The following CDH12 variants were observed in gnomAD, a reference collection of about 807,000 sequenced individuals.
CDH12 encodes cadherin-12.
Under a neutral mutation model 74.1 loss-of-function variants are expected in CDH12, and 41 were observed. That is an observed-to-expected ratio of 0.55 (90% CI 0.43 to 0.72). The LOEUF is 0.72. Among genes scored for constraint, CDH12 ranks in the 30% least tolerant of loss-of-function variants. The pLI is 0.00. For synonymous variants in CDH12, 399 were observed against 355.0 expected (o/e 1.12, Z -1.39); for missense variants, 945 against 977.2 (o/e 0.97, Z 0.44).
chr5:22,411,217 G>A (rs1218709105), intron 2 of CDH12, among the ~76,000 whole-genome samples: 1 of 151,876 alleles, frequency 6.6e-6, no homozygotes, highest in African/African-American at 2.4e-5. Context: ...CATATGAAAT[G>A]TATTACATAG....
At chr5:22,261,528 A>C (rs547999929) in intron 3 of CDH12, among the ~76,000 whole-genome samples, 41 of 152,210 alleles carry the variant, frequency 2.7e-4, no homozygotes, top group African/African-American at 8.7e-4. Flanking sequence ...ATAATAATGC[A>C]ACTGTAAAAG....
intron 1 of CDH12, among the ~76,000 whole-genome samples, chr5:22,651,160 A>C (rs2126883818): frequency 6.6e-6 from 1 of 152,180 alleles, no homozygotes; most frequent in East Asian, 1.9e-4. Flanking sequence ...GTTTGACCTT[A>C]ACTTAAATGT....
chr5:22,845,333 A>G (rs982063729), intron 1 of CDH12, among the ~76,000 whole-genome samples: 2 of 152,178 alleles, frequency 1.3e-5, no homozygotes, highest in African/African-American at 2.4e-5. Flanking sequence ...AGAAAGTACT[A>G]TAATTCACGA....
chr5:21,943,063 A>T (rs1476576555), intron 6 of CDH12, among the ~76,000 whole-genome samples: 1 of 152,098 alleles, frequency 6.6e-6, no homozygotes, highest in African/African-American at 2.4e-5. Context: ...AGTGTTTGAC[A>T]GTGCCTCCTT....
chr5:22,308,978 C>CGA (rs72004509), intron 3 of CDH12, among the ~76,000 whole-genome samples: 1 of 140,152 alleles, frequency 7.1e-6, no homozygotes, highest in Admixed American at 7.0e-5. Flanking sequence ...AGAGAGAAAG[C>CGA]GAGAGAGAGA....
At chr5:22,830,452 T>C (rs757094823) in intron 1 of CDH12, among the ~76,000 whole-genome samples, 7 of 151,974 alleles carry the variant, frequency 4.6e-5, no homozygotes, top group Non-Finnish European at 1.0e-4. Context: ...TTGAGTTATC[T>C]GGATATTTTT....
Position 21,755,829 on chromosome 5 carries a change from C to A in CDH12, c.1647G>T (p.Gly549=), listed in dbSNP as rs764043124. The change falls in exon 14 of 15, where the codon GGG becomes GGT. Residue 549 remains glycine (G), a synonymous_variant. Transcript: ENST00000382254. ...TGTATCCATTTCTTCGGGTTTCAAT[C>A]CCCGCTGTGTTGTCTACAAAACATG... The part of the protein sequence containing the change: ...TVRDFRNNTA[G]IETRRNGYSR... 1.9e-6 allele frequency: 3 copies of A among 1,614,004 alleles called. No individual in the cohort carries two copies. Among genetic ancestry groups the A allele is most frequent in the Admixed American group, 1.7e-5 (1 of 60,010 alleles).
At chr5:22,042,889 CA>C (rs1171549252) in intron 5 of CDH12, among the ~76,000 whole-genome samples, 4,353 of 56,072 alleles carry the variant, frequency 0.078, 59 homozygotes, top group African/African-American at 0.14. Context: ...GATTCTATCT[CA>C]AAAAAAAAAA....
intron 3 of CDH12, among the ~76,000 whole-genome samples, chr5:22,256,393 G>T (rs1316585663): frequency 1.3e-5 from 2 of 152,120 alleles, no homozygotes; most frequent in Non-Finnish European, 2.9e-5. Context: ...GGTGACGCTG[G>T]TGCAAACAAA....
Position 22,053,517 on chromosome 5 carries a change from GGCT to G in CDH12, c.231+24926_231+24928del, listed in dbSNP as rs1354742853. On this transcript the variant is annotated intron_variant, in intron 5 of 14. Coordinates refer to ENST00000382254, the MANE Select transcript of CDH12 (RefSeq NM_004061.5). ...AGGTACAGCTTCTGTGTATCACGGT[GGCT>G]GCCATTCTGGCTTTCTATCCAGGGA... 4.5e-3 allele frequency among the ~76,000 whole-genome samples: 686 copies of G among 152,060 alleles called. 8 individuals carry two copies. Among genetic ancestry groups the G allele is most frequent in the African/African-American group, 0.016 (657 of 41,500 alleles).
At chr5:21,831,240 A>G (rs150724091) in intron 8 of CDH12, among the ~76,000 whole-genome samples, 53 of 152,248 alleles carry the variant, frequency 3.5e-4, no homozygotes, top group African/African-American at 1.1e-3. Flanking sequence ...CTATATTTTC[A>G]TAAACATCAA....
At chr5:22,729,323 A>T (rs1449615080) in intron 1 of CDH12, among the ~76,000 whole-genome samples, 5 of 151,804 alleles carry the variant, frequency 3.3e-5, no homozygotes, top group Non-Finnish European at 1.5e-5. Flanking sequence ...ACTTCAAGCC[A>T]TCCAGGGCAT....
intron 3 of CDH12, among the ~76,000 whole-genome samples, chr5:22,384,539 A>AC (rs1368536149): frequency 2.9e-5 from 4 of 138,286 alleles, no homozygotes; most frequent in African/African-American, 5.2e-5. Flanking sequence ...AAAAAAAAAA[A>AC]AGAAAAAGAA....
intron 6 of CDH12, among the ~76,000 whole-genome samples, chr5:21,959,333 A>G (rs1334859332): frequency 1.3e-5 from 2 of 151,422 alleles, no homozygotes; most frequent in Admixed American, 6.6e-5. Flanking sequence ...CCTATGTTGA[A>G]TAGGAGTCAT....
At chr5:21,912,322 T>C (rs1753892507) in intron 6 of CDH12, among the ~76,000 whole-genome samples, 1 of 152,126 alleles carries the variant, frequency 6.6e-6, no homozygotes. Context: ...TTTTTTTTTT[T>C]TCCAAGGGAC....
intron 6 of CDH12, among the ~76,000 whole-genome samples, chr5:21,931,258 AG>A: frequency 6.6e-6 from 1 of 152,164 alleles, no homozygotes; most frequent in East Asian, 1.9e-4. Flanking sequence ...AGGAAAAAAA[AG>A]CTAAGAAGAG....
At chr5:22,849,315 T>C (rs1270617669) in intron 1 of CDH12, among the ~76,000 whole-genome samples, 1 of 152,176 alleles carries the variant, frequency 6.6e-6, no homozygotes, top group Non-Finnish European at 1.5e-5. Context: ...TTTTGAACTT[T>C]CCACATCATC....
intron 1 of CDH12, among the ~76,000 whole-genome samples, chr5:22,661,137 T>C (rs1740324898): frequency 1.3e-5 from 2 of 152,160 alleles, no homozygotes; most frequent in South Asian, 4.1e-4. Context: ...TTTATACAAA[T>C]AGAAAGCTAA....
intron 1 of CDH12, among the ~76,000 whole-genome samples, chr5:22,672,116 T>TAC (rs1390163709): frequency 2.3e-5 from 3 of 129,960 alleles, no homozygotes; most frequent in South Asian, 2.3e-4. Flanking sequence ...TATATATAAA[T>TAC]ATATATTATT....
Sources: gnomAD v4.1 joint callset for allele counts (sites outside exome capture counted in the v4.1 genomes callset) on GRCh38, gnomAD v4.1.1 for gene constraint, MANE v1.5 for transcripts, NCBI Gene and HGNC (gene_info 2026-07-23, HGNC 2026-07-21) for gene names.